Variants in OPA1 observed in about 807,000 individuals in gnomAD.
The protein encoded by OPA1 is OPA1 mitochondrial dynamin like GTPase, also known as dynamin-like GTPase OPA1, mitochondrial.
OPA1 carries 59 observed loss-of-function variants against 152.9 expected under a neutral mutation model. That is an observed-to-expected ratio of 0.39 (90% CI 0.31 to 0.48). The LOEUF (loss-of-function observed/expected upper bound fraction) is 0.48, where lower values mean the gene tolerates loss of function less well. Among genes scored for constraint, OPA1 ranks in the 20% least tolerant of loss-of-function variants. The pLI is 0.96. For synonymous variants in OPA1, 400 were observed against 389.9 expected (o/e 1.03, Z -0.31); for missense variants, 1,008 against 1,216.8 (o/e 0.83, Z 2.55).
chr3:193,692,445 A>G (rs897704944), intron 30 of OPA1, among the ~76,000 whole-genome samples: 2 of 152,234 alleles, frequency 1.3e-5, no homozygotes, highest in African/African-American at 2.4e-5. Flanking sequence ...GCTGTAGTTG[A>G]CATTACTTTA....
intron 6 of OPA1, among the ~76,000 whole-genome samples, chr3:193,622,519 G>A (rs773231707): frequency 8.6e-5 from 13 of 152,016 alleles, no homozygotes; most frequent in Non-Finnish European, 1.3e-4. Flanking sequence ...GAGCCACCCA[G>A]CAGTCTGATT....
intron 29 of OPA1, among the ~76,000 whole-genome samples, chr3:193,674,556 G>C (rs1278025816): frequency 6.6e-6 from 1 of 152,122 alleles, no homozygotes; most frequent in Non-Finnish European, 1.5e-5. Context: ...CCAAAATATA[G>C]TTCTAATTTA....
At chr3:193,607,170 CT>C (rs1377368693) in intron 1 of OPA1, among the ~76,000 whole-genome samples, 1 of 152,140 alleles carries the variant, frequency 6.6e-6, no homozygotes, top group Admixed American at 6.5e-5. Context: ...GATATTAGCC[CT>C]TTGTCAGATG....
chr3:193,659,926 GCTTGAGTTAA>G (rs1714829159), intron 25 of OPA1, among the ~76,000 whole-genome samples: 1 of 50,958 alleles, frequency 2.0e-5, no homozygotes, highest in Non-Finnish European at 4.6e-5. Context: ...CAGAGGAATC[GCTTGAGTTAA>G]GGAGTTCGAG....
Position 193,642,864 on chromosome 3 carries a change from A to G in OPA1, c.1230+19A>G. ...AGAAGATGTAAGTAAAATTCATCTAAGGTTGATATGTGTAATTTTATAACC... is the reference window on the plus strand; with the variant it reads ...AGAAGATGTAAGTAAAATTCATCTAGGGTTGATATGTGTAATTTTATAACC... On this transcript the variant is annotated intron_variant, in intron 12 of 30. Coordinates refer to ENST00000361510, the MANE Select transcript of OPA1 (RefSeq NM_130837.3). 1 of 1,581,402 alleles carries G rather than the reference A, an allele frequency of 6.3e-7. No individual in the cohort carries two copies. The highest frequency in any genetic ancestry group is 8.7e-7 in the Non-Finnish European group (1 of 1,150,298).
intron 1 of OPA1, among the ~76,000 whole-genome samples, chr3:193,596,352 T>TTTTC (rs1725540604): frequency 7.2e-6 from 1 of 138,744 alleles, no homozygotes; most frequent in African/African-American, 2.7e-5. Context: ...TTTTCTTTTC[T>TTTTC]TTTCTTTTCT....
chr3:193,685,251 G>A (rs1405952474), intron 29 of OPA1, among the ~76,000 whole-genome samples: 2 of 151,352 alleles, frequency 1.3e-5, no homozygotes, highest in Admixed American at 6.6e-5. Context: ...GCAGTGAGCC[G>A]AGATTGCGCC....
intron 29 of OPA1, chr3:193,668,735 T>C: frequency 7.7e-7 from 1 of 1,293,292 alleles, no homozygotes; most frequent in Non-Finnish European, 9.9e-7. Flanking sequence ...TACCATGGCT[T>C]CCCCTTCCCA....
chr3:193,639,738 C>G (rs1232570484), intron 11 of OPA1, among the ~76,000 whole-genome samples: 1 of 152,218 alleles, frequency 6.6e-6, no homozygotes, highest in African/African-American at 2.4e-5. Flanking sequence ...AAAGGCTGCT[C>G]TTTTGAAAAT....
intron 21 of OPA1, among the ~76,000 whole-genome samples, chr3:193,649,300 G>C (rs902316960): frequency 4.6e-5 from 7 of 152,060 alleles, no homozygotes; most frequent in Admixed American, 3.9e-4. Context: ...ATCACATTTT[G>C]AACTTAATGC....
Position 193,631,635 on chromosome 3 carries a change from C to A in OPA1, c.813C>A (p.Asp271Glu). ...AGGTGTCAGACAAAGAGAAAATTGACCAACTTCAGGAAGAACTTCTGCACA... is the reference window on the plus strand; with the variant it reads ...AGGTGTCAGACAAAGAGAAAATTGAACAACTTCAGGAAGAACTTCTGCACA... The part of the protein sequence containing the change: ...KRKVSDKEKI[D>E]QLQEELLHTQ... The change falls in exon 8 of 31, where the codon GAC (aspartate) becomes GAA (glutamate). Residue 271 changes from aspartate to glutamate, a missense_variant. Asp to Glu is a conservative substitution (Grantham distance 45, BLOSUM62 2). Transcript: ENST00000361510. The A allele has an allele frequency of 6.2e-7, 1 of 1,612,156 alleles. No homozygotes were observed. The highest frequency in any genetic ancestry group is 8.5e-7 in the Non-Finnish European group (1 of 1,178,556).
chr3:193,650,832 A>G (rs1319405888), intron 21 of OPA1, among the ~76,000 whole-genome samples: 1 of 152,216 alleles, frequency 6.6e-6, no homozygotes, highest in Non-Finnish European at 1.5e-5. Flanking sequence ...TCATGTGACC[A>G]GCAATGTAGA....
At chr3:193,663,179 A>G (rs772663473) in intron 26 of OPA1, among the ~76,000 whole-genome samples, 69 of 152,240 alleles carry the variant, frequency 4.5e-4, no homozygotes, top group Non-Finnish European at 7.6e-4. Flanking sequence ...TAATTTGTAA[A>G]TGGAGAAATT....
chr3:193,613,934 A>G (rs991875976), intron 1 of OPA1: 3 of 518,912 alleles, frequency 5.8e-6, no homozygotes, highest in Non-Finnish European at 1.2e-5. Flanking sequence ...TTTTTTAACT[A>G]CTTAGAATCA....
intron 29 of OPA1, among the ~76,000 whole-genome samples, chr3:193,669,771 G>T (rs1200516694): frequency 6.6e-6 from 1 of 152,216 alleles, no homozygotes; most frequent in East Asian, 1.9e-4. Flanking sequence ...GTTTTTAGTA[G>T]AGGCTTTGCA....
chr3:193,657,478 T>G (rs1297234118), intron 23 of OPA1, among the ~76,000 whole-genome samples: 1 of 152,218 alleles, frequency 6.6e-6, no homozygotes, highest in African/African-American at 2.4e-5. Flanking sequence ...AAACAGACTC[T>G]GATAAACTTC....
chr3:193,627,613 A>G (rs1194393466), intron 7 of OPA1, among the ~76,000 whole-genome samples: 1 of 152,188 alleles, frequency 6.6e-6, no homozygotes, highest in African/African-American at 2.4e-5. Context: ...TCGTAAGACA[A>G]CTTGAAATGA....
At chr3:193,661,283 C>T (rs1318912263) in intron 25 of OPA1, among the ~76,000 whole-genome samples, 1 of 152,184 alleles carries the variant, frequency 6.6e-6, no homozygotes, top group Non-Finnish European at 1.5e-5. Flanking sequence ...GACTGTAGAA[C>T]AGAGGCCATA....
intron 8 of OPA1, among the ~76,000 whole-genome samples, chr3:193,632,207 C>A (rs1732188975): frequency 6.6e-6 from 1 of 152,206 alleles, no homozygotes; most frequent in African/African-American, 2.4e-5. Context: ...CACAGCCAGG[C>A]ACGGTGGCTC....
Sources: gnomAD v4.1 joint callset for allele counts (sites outside exome capture counted in the v4.1 genomes callset) on GRCh38, gnomAD v4.1.1 for gene constraint, MANE v1.5 for transcripts, NCBI Gene and HGNC (gene_info 2026-07-23, HGNC 2026-07-21) for gene names.